Variants in NOTCH4 observed in about 807,000 individuals in gnomAD.
NOTCH4 encodes notch receptor 4, also known as neurogenic locus notch homolog protein 4.
NOTCH4 carries 138 observed loss-of-function variants against 189.0 expected under a neutral mutation model. The ratio of observed to expected loss-of-function variants is 0.73; its 90% CI spans 0.64 to 0.84. The LOEUF (loss-of-function observed/expected upper bound fraction) is 0.84, where lower values mean the gene tolerates loss of function less well. Among genes scored for constraint, NOTCH4 ranks in the 40% least tolerant of loss-of-function variants. The pLI, the probability that NOTCH4 is intolerant of heterozygous loss-of-function variation, is 0.00. For missense variants in NOTCH4, 2,286 were observed against 2,605.4 expected (o/e 0.88, Z 2.67); for synonymous variants, 942 against 1,032.8 (o/e 0.91, Z 1.69).
At position 32,198,100 on chromosome 6, in the gene NOTCH4, C is replaced by T. The variant is rs488801; in HGVS notation, c.4756+321G>A. On this transcript the variant is annotated intron_variant, in intron 26 of 29. Coordinates refer to ENST00000375023, the MANE Select transcript of NOTCH4 (RefSeq NM_004557.4). The surrounding 1 kb of genome is among the most constrained non-coding windows in gnomAD (Gnocchi z 5.5). The stretch of plus-strand genomic sequence containing the variant: ...CCTCCCAAAGTGCTGGGATTACAGG[C>T]GTGAGCCACCACGCCCGGCCTAGCA... Among the ~76,000 whole-genome samples the T allele has an allele frequency of 6.6e-6, 1 of 152,198 alleles. No individual in the cohort carries two copies. Among genetic ancestry groups the T allele is most frequent in the African/African-American group, 2.4e-5 (1 of 41,458 alleles).
rs1403817269 is a variant in NOTCH4 at position 32,220,587 on chromosome 6, C to T, written c.977G>A (p.Cys326Tyr). ...DECETQGPPH[C>Y]RNGGTCQNSA... ...GTTCTGGCAGGTGCCCCCGTTTCTG[C>T]AGTGAGGGGGACCCTGGGTCTCACA... The change falls in exon 6 of 30, where the codon TGC becomes TAC. Residue 326 changes from cysteine (C) to tyrosine (Y), a missense_variant. Physicochemically the swap from Cys to Tyr is radical, Grantham distance 194. Transcript: ENST00000375023. The T allele has an allele frequency of 1.2e-6, 2 of 1,614,028 alleles. No homozygotes were observed. The highest frequency in any genetic ancestry group is 2.2e-5 in the East Asian group (1 of 44,868).
chr6:32,196,909 C>CCCT lies in NOTCH4; in HGVS notation c.5200+13_5200+15dup. 1 of 1,612,838 alleles carries CCCT rather than the reference C, an allele frequency of 6.2e-7. No homozygotes were observed. On this transcript the variant is annotated intron_variant, in intron 28 of 29. Coordinates refer to ENST00000375023, the MANE Select transcript of NOTCH4 (RefSeq NM_004557.4). ...TCAACTTCTCTATAGCATACATCAC[C>CCCT]CCTTCCTCTACATACCCCATTTATC...
At chr6:32,222,343 G>A (rs1220772462) in intron 3 of NOTCH4, among the ~76,000 whole-genome samples, 168 bp downstream of exon 3, 1 of 152,254 alleles carries the variant, frequency 6.6e-6, no homozygotes, top group Non-Finnish European at 1.5e-5. Flanking sequence ...CCATGCTGGT[G>A]AATGTTGGTT....
chr6:32,221,604 G>A lies in NOTCH4; in HGVS notation c.452-279C>T, dbSNP rs1789784861. 6.6e-6 allele frequency among the ~76,000 whole-genome samples: 1 copy of A among 152,116 alleles called. No homozygotes were observed. The highest frequency in any genetic ancestry group is 1.5e-5 in the Non-Finnish European group (1 of 68,014). ...CTGGGACGTGGGTGATCTTGGGGGA[G>A]GTGAAAAGCACCCCACGTCTGCAGG... On this transcript the variant is annotated intron_variant, in intron 3 of 29. Coordinates refer to ENST00000375023, the MANE Select transcript of NOTCH4 (RefSeq NM_004557.4). The surrounding 1 kb of genome is among the most constrained non-coding windows in gnomAD (Gnocchi z 4.3).
Position 32,196,155 on chromosome 6 carries a change from A to G in NOTCH4, c.5299-5T>C, listed in dbSNP as rs763639926. On this transcript the variant is annotated splice_polypyrimidine_tract_variant and splice_region_variant and intron_variant, in intron 29 of 29. Transcript: ENST00000375023. ...CAGGAATAGCGGCGTCTGCTCCTGT[A>G]CAGAAGAGCCAGGGCCGATATCAGG... 1.3e-6 allele frequency: 2 copies of G among 1,590,212 alleles called. No individual in the cohort carries two copies. The highest frequency in any genetic ancestry group is 1.7e-5 in the Admixed American group (1 of 58,056).
chr6:32,197,661 G>A, intron 26 of NOTCH4, 67 bp from the exon 27 acceptor site: 1 of 1,406,080 alleles, frequency 7.1e-7, no homozygotes, highest in Non-Finnish European at 9.6e-7. Flanking sequence ...CAACATGTAA[G>A]CTCAGAGAGA....
In NOTCH4 at chr6:32,196,955, G is replaced by A. The variant is rs1428189659; in HGVS notation, c.5170C>T (p.Gln1724Ter). ...TTATCTCTGGCCCCCACGTCTGCTT[G>A]GGCTGCAATCAGTTCTTCAACCAGG... ...EDLVEELIAA[Q>*]ADVGARDKWG... Residue 1724 changes from glutamine (Q) to a stop codon, truncating the protein, a stop_gained, in exon 28 of 30, where the codon CAA becomes TAA. Coordinates refer to ENST00000375023, the MANE Select transcript of NOTCH4 (RefSeq NM_004557.4). LOFTEE classifies it high-confidence loss of function. 1.9e-6 allele frequency: 3 copies of A among 1,612,898 alleles called. No homozygotes were observed. Among genetic ancestry groups the A allele is most frequent in the Non-Finnish European group, 2.5e-6 (3 of 1,180,018 alleles).
chr6:32,198,573 C>G lies in NOTCH4; in HGVS notation c.4618-14G>C. The G allele has an allele frequency of 6.2e-7, 1 of 1,612,414 alleles. No homozygotes were observed. Among genetic ancestry groups the G allele is most frequent in the African/African-American group, 1.3e-5 (1 of 75,004 alleles). On this transcript the variant is annotated splice_polypyrimidine_tract_variant and intron_variant, in intron 25 of 29. Coordinates refer to ENST00000375023, the MANE Select transcript of NOTCH4 (RefSeq NM_004557.4). The surrounding 1 kb of genome is among the most constrained non-coding windows in gnomAD (Gnocchi z 5.5). The stretch of plus-strand genomic sequence containing the variant: ...TGTTTCTTCAGCCTTTGGGTAACAG[C>G]AAGGATCAGTGAAGGTTGATTTGCC...
Position 32,220,788 on chromosome 6 carries a change from G to A in NOTCH4, c.890C>T (p.Thr297Ile). Residue 297 changes from threonine to isoleucine, a missense_variant, in exon 5 of 30, where the codon ACC becomes ATC. Physicochemically the swap from Thr to Ile is moderately conservative, Grantham distance 89 (BLOSUM62 -1). Around this residue, in one of 2 missense-constraint regions of NOTCH4, gnomAD observed 1,903 missense variants for 2,261.9 expected, o/e 0.84. Transcript: ENST00000375023. Reference sequence around the variant, plus strand: ...GGTTTCTGGGCAGAGGCAGGTGTAGGTGTCCAGCCCATCCTGGCAAGTGCC... The same window carrying A: ...GGTTTCTGGGCAGAGGCAGGTGTAGATGTCCAGCCCATCCTGGCAAGTGCC... ...NGGTCQDGLD[T>I]YTCLCPETWT... 6.2e-7 allele frequency: 1 copy of A among 1,614,108 alleles called. No individual in the cohort carries two copies. The highest frequency in any genetic ancestry group is 8.5e-7 in the Non-Finnish European group (1 of 1,180,014).
chr6:32,197,590 CCCA>C lies in NOTCH4; in HGVS notation c.4758_4760del (p.Asp1586_Gly1587delinsGlu). The C allele has an allele frequency of 6.2e-7, 1 of 1,609,288 alleles. No homozygotes were observed. Among genetic ancestry groups the C allele is most frequent in the Non-Finnish European group, 8.5e-7 (1 of 1,177,964 alleles). On this transcript the variant is annotated inframe_deletion and splice_region_variant, in exon 27 of 30. Coordinates refer to ENST00000375023, the MANE Select transcript of NOTCH4 (RefSeq NM_004557.4). ...AAACTGCTGACATCAGGGGTGTCAC[CCCA>C]TCTGTTGGTAAGACAGAGTAATGGG...
chr6:32,220,021 G>A (rs1428561224), intron 7 of NOTCH4, 108 bp downstream of exon 7: 1 of 1,351,904 alleles, frequency 7.4e-7, no homozygotes, highest in Non-Finnish European at 1.0e-6. Context: ...CAAATTCAAG[G>A]AAAAAGATGT....
Position 32,195,647 on chromosome 6 carries a change from G to T in NOTCH4, c.5802C>A (p.Tyr1934Ter). 1 of 1,612,938 alleles carries T rather than the reference G, an allele frequency of 6.2e-7. No homozygotes were observed. The highest frequency in any genetic ancestry group is 8.5e-7 in the Non-Finnish European group (1 of 1,179,942). Residue 1934 changes from tyrosine to a stop codon, truncating the protein, a stop_gained, in exon 30 of 30, where the codon TAC becomes TAA. Transcript: ENST00000375023. LOFTEE classifies it low-confidence loss of function (END_TRUNC). The surrounding 1 kb of genome is among the most constrained non-coding windows in gnomAD (Gnocchi z 5.4). ...RPNPAIMRGR[Y>*]GVAAGRGGRV... ...TGCCTCCGCGCCCGGCAGCCACTCCGTATCTTCCTCGCATTATCGCAGGGT... is the reference window on the plus strand; with the variant it reads ...TGCCTCCGCGCCCGGCAGCCACTCCTTATCTTCCTCGCATTATCGCAGGGT...
Position 32,212,814 on chromosome 6 carries a change from T to C in NOTCH4, c.2526+10A>G, listed in dbSNP as rs2127477929. ...CCCTCCTCAGCACGCCTGACTTCAA[T>C]GGCCCTCACCTGGCAGCTGCCTCCG... On this transcript the variant is annotated intron_variant, in intron 16 of 29. Coordinates refer to ENST00000375023, the MANE Select transcript of NOTCH4 (RefSeq NM_004557.4). The surrounding 1 kb of genome is among the most constrained non-coding windows in gnomAD (Gnocchi z 4.4). 1 of 1,521,222 alleles carries C rather than the reference T, an allele frequency of 6.6e-7. No individual in the cohort carries two copies. The highest frequency in any genetic ancestry group is 2.4e-5 in the East Asian group (1 of 40,844). 94.2% of individuals were successfully genotyped at this position (1,521,222 alleles called of 1,614,324 possible).
chr6:32,197,819 CTTTTT>C (rs9281668), intron 26 of NOTCH4, among the ~76,000 whole-genome samples: 3,878 of 132,960 alleles, frequency 0.029, 87 homozygotes, highest in Middle Eastern at 0.067. Flanking sequence ...GTGGTTTTCT[CTTTTT>C]TTTTTTTTTT....
chr6:32,216,685 T>C, intron 11 of NOTCH4: 2 of 586,180 alleles, frequency 3.4e-6, no homozygotes, highest in Non-Finnish European at 6.1e-6. Flanking sequence ...AGCAAGTGAA[T>C]GCCTTTTCTT....
chr6:32,213,800 C>T lies in NOTCH4; in HGVS notation c.2208G>A (p.Gly736=). Residue 736 remains glycine (G), a synonymous_variant, in exon 14 of 30, where the codon GGG becomes GGA. Transcript: ENST00000375023. The part of the protein sequence containing the change: ...CSEEMTACHS[G]PCLNGGSCNP... ...TGCAGGAGCCGCCATTGAGACATGG[C>T]CCTGAGTGACAAGCTGTCATCTCCT... 6.2e-7 allele frequency: 1 copy of T among 1,611,898 alleles called. No homozygotes were observed. Among genetic ancestry groups the T allele is most frequent in the Non-Finnish European group, 8.5e-7 (1 of 1,179,856 alleles).
intron 17 of NOTCH4, among the ~76,000 whole-genome samples, chr6:32,211,823 G>C (rs1038507826): frequency 1.3e-5 from 2 of 152,074 alleles, no homozygotes; most frequent in African/African-American, 4.8e-5. Context: ...CTTTCTGCCA[G>C]AATATTGGAG....
In NOTCH4 at chr6:32,202,306, G is replaced by A; in HGVS notation, c.3525C>T (p.Ala1175=). The A allele has an allele frequency of 6.2e-7, 1 of 1,612,022 alleles. No individual in the cohort carries two copies. The highest frequency in any genetic ancestry group is 8.5e-7 in the Non-Finnish European group (1 of 1,179,238). The part of the protein sequence containing the change: ...SPGPRCQKPG[A]KGCEGRSGDG... ...CTCCACTTCTGCCCTCACACCCCTT[G>A]GCTCCGGGTTTCTGACACCGGGGCC... Residue 1175 remains alanine, a synonymous_variant, in exon 21 of 30, where the codon GCC becomes GCT. Coordinates refer to ENST00000375023, the MANE Select transcript of NOTCH4 (RefSeq NM_004557.4). This position sits in a 1 kb window ranked among gnomAD's most constrained non-coding sequence, Gnocchi z 5.7.
rs1788403601 is a variant in NOTCH4 at position 32,202,316 on chromosome 6, T to C, written c.3515A>G (p.Lys1172Arg). The C allele has an allele frequency of 6.2e-7, 1 of 1,612,486 alleles. No homozygotes were observed. Among genetic ancestry groups the C allele is most frequent in the Admixed American group, 1.7e-5 (1 of 59,976 alleles). ...GCCCTCACACCCCTTGGCTCCGGGT[T>C]TCTGACACCGGGGCCCTGGAGAGCT... ...PHSSPGPRCQ[K>R]PGAKGCEGRS... The change falls in exon 21 of 30, where the codon AAA becomes AGA. Residue 1172 changes from lysine (K) to arginine (R), a missense_variant. Coordinates refer to ENST00000375023, the MANE Select transcript of NOTCH4 (RefSeq NM_004557.4). The surrounding 1 kb of genome is among the most constrained non-coding windows in gnomAD (Gnocchi z 5.7).
Sources: allele counts gnomAD v4.1 joint callset (sites outside exome capture counted in the v4.1 genomes callset), GRCh38; gene constraint gnomAD v4.1.1; regional missense constraint gnomAD v4.1.1; non-coding constraint Gnocchi (gnomAD v3.1); transcripts MANE v1.5; gene names NCBI Gene and HGNC (gene_info 2026-07-23, HGNC 2026-07-21).